GALNT13: variants seen among roughly 807,000 people sequenced by gnomAD.
GALNT13 encodes UDP-GalNAc:polypeptide N-acetylgalactosaminyltransferase 13.
A neutral mutation model predicts 64.2 loss-of-function variants in GALNT13; 28 were observed. The ratio of observed to expected loss-of-function variants is 0.44; its 90% CI spans 0.32 to 0.60. The LOEUF (loss-of-function observed/expected upper bound fraction) is 0.60, where lower values mean the gene tolerates loss of function less well. Among genes scored for constraint, GALNT13 ranks in the 20% least tolerant of loss-of-function variants. The pLI is 0.05. For synonymous variants in GALNT13, 214 were observed against 224.6 expected, an observed-to-expected ratio of 0.95 and a Z score of 0.42; for missense variants, 577 against 669.8, an observed-to-expected ratio of 0.86 and a Z score of 1.53.
chr2:153,436,641 G>A, the GALNT13 span, among the ~76,000 whole-genome samples: 3 of 152,090 alleles, frequency 2.0e-5, no homozygotes, highest in Non-Finnish European at 4.4e-5. Flanking sequence ...ATTCTCTGAT[G>A]GTAGTTTGTA....
At chr2:153,244,966 G>C in the GALNT13 span, among the ~76,000 whole-genome samples, 1 of 152,212 alleles carries the variant, frequency 6.6e-6, no homozygotes, top group African/African-American at 2.4e-5. Flanking sequence ...CATTACTGAG[G>C]CTTTAGTAGG....
chr2:153,532,604 G>T, the GALNT13 span, among the ~76,000 whole-genome samples: 1,543 of 152,156 alleles, frequency 0.01, 34 homozygotes, highest in African/African-American at 0.035. Context: ...CTACCACATG[G>T]ACAGGAGAAA....
chr2:153,728,323 G>C, the GALNT13 span, among the ~76,000 whole-genome samples: 3 of 152,160 alleles, frequency 2.0e-5, no homozygotes, highest in South Asian at 6.2e-4. Flanking sequence ...TCACCACACT[G>C]TCTTCCACAA....
At chr2:154,279,542 TTGAA>T (rs889037440) in intron 8 of GALNT13, among the ~76,000 whole-genome samples, 1 of 152,170 alleles carries the variant, frequency 6.6e-6, no homozygotes, top group African/African-American at 2.4e-5. Context: ...CAACAAGCAT[TTGAA>T]TGAGCATTTG....
At chr2:153,590,941 C>T in the GALNT13 span, among the ~76,000 whole-genome samples, 1 of 151,466 alleles carries the variant, frequency 6.6e-6, no homozygotes, top group Non-Finnish European at 1.5e-5. Flanking sequence ...CACTCCTATT[C>T]AACATTGTAC....
chr2:153,196,658 G>A, the GALNT13 span, among the ~76,000 whole-genome samples: 2 of 152,012 alleles, frequency 1.3e-5, no homozygotes, highest in South Asian at 4.2e-4. Context: ...GCATGGGGCA[G>A]GGGCTCCAGG....
downstream of GALNT13, among the ~76,000 whole-genome samples, chr2:154,456,156 T>G (rs1371240637): frequency 1.3e-5 from 2 of 148,978 alleles, no homozygotes; most frequent in Middle Eastern, 3.4e-3. Context: ...TTGTTTTTTT[T>G]TTTTTGTATT....
intron 2 of GALNT13, among the ~76,000 whole-genome samples, chr2:153,929,015 A>G (rs1690332637): frequency 6.6e-6 from 1 of 152,094 alleles, no homozygotes; most frequent in African/African-American, 2.4e-5. Context: ...ATGTATAAAA[A>G]CTATCTGTTA....
At chr2:153,073,333 T>A in the GALNT13 span, among the ~76,000 whole-genome samples, 30,161 of 151,774 alleles carry the variant, frequency 0.2, 3,361 homozygotes, top group Non-Finnish European at 0.26. Context: ...GTACTATAAA[T>A]TAATAATAAA....
At chr2:153,972,837 C>T (rs1467042719) in intron 3 of GALNT13, among the ~76,000 whole-genome samples, 2 of 151,872 alleles carry the variant, frequency 1.3e-5, no homozygotes, top group Non-Finnish European at 2.9e-5. Context: ...TTCAGGATAA[C>T]CTATGAAGTG....
chr2:154,158,521 T>C (rs1342561974), intron 4 of GALNT13, among the ~76,000 whole-genome samples: 1 of 152,186 alleles, frequency 6.6e-6, no homozygotes, highest in Non-Finnish European at 1.5e-5. Context: ...TTAATTTTCT[T>C]TAGCACCCTT....
At chr2:153,205,052 GT>G in the GALNT13 span, among the ~76,000 whole-genome samples, 1 of 152,052 alleles carries the variant, frequency 6.6e-6, no homozygotes, top group Non-Finnish European at 1.5e-5. Context: ...GATGGTAAAC[GT>G]TATTTTGAAG....
intron 9 of GALNT13, among the ~76,000 whole-genome samples, chr2:154,352,359 G>A (rs542344442): frequency 1.3e-5 from 2 of 152,288 alleles, no homozygotes; most frequent in East Asian, 3.9e-4. Flanking sequence ...CCCCAAACTT[G>A]TCTTTGAGTC....
the GALNT13 span, among the ~76,000 whole-genome samples, chr2:153,805,336 G>A: frequency 1.3e-5 from 2 of 151,848 alleles, no homozygotes; most frequent in African/African-American, 2.4e-5. Flanking sequence ...ATTCCAAAAC[G>A]AAATTGAGTA....
At chr2:153,863,087 T>C in the GALNT13 span, among the ~76,000 whole-genome samples, 1 of 152,142 alleles carries the variant, frequency 6.6e-6, no homozygotes, top group South Asian at 2.1e-4. Flanking sequence ...TTTGTGACAC[T>C]CCACTTAATA....
chr2:153,497,200 A>T, the GALNT13 span, among the ~76,000 whole-genome samples: 149 of 152,222 alleles, frequency 9.8e-4, no homozygotes, highest in African/African-American at 3.1e-3. Flanking sequence ...TTTCTGCTAA[A>T]CACCTATTTA....
chr2:153,571,301 G>C, the GALNT13 span, among the ~76,000 whole-genome samples: 1 of 151,712 alleles, frequency 6.6e-6, no homozygotes, highest in Non-Finnish European at 1.5e-5. Flanking sequence ...TTTGTATTTG[G>C]TACAGTATCC....
chr2:153,743,586 A>T, the GALNT13 span, among the ~76,000 whole-genome samples: 5 of 152,092 alleles, frequency 3.3e-5, no homozygotes, highest in Non-Finnish European at 7.4e-5. Context: ...GGCACATAAG[A>T]TGTTTTGATA....
rs530261273 is a variant in GALNT13, at chr2:154,065,079, C to G, written c.143-75258C>G. 1.6e-3 allele frequency among the ~76,000 whole-genome samples: 238 copies of G among 152,186 alleles called. 1 individual carries two copies. The highest frequency in any genetic ancestry group is 2.9e-3 in the Non-Finnish European group (195 of 68,018). On this transcript the variant is annotated intron_variant, in intron 3 of 12. Coordinates refer to ENST00000392825, the MANE Select transcript of GALNT13 (RefSeq NM_052917.4). ...TCCCTTGGGCTTTCAGTGAACATTGCTGGTAGCCTGGCACAACTCTTTGTG... is the reference window on the plus strand; with the variant it reads ...TCCCTTGGGCTTTCAGTGAACATTGGTGGTAGCCTGGCACAACTCTTTGTG...
Sources: gnomAD v4.1 joint callset for allele counts (sites outside exome capture counted in the v4.1 genomes callset) on GRCh38, gnomAD v4.1.1 for gene constraint, MANE v1.5 for transcripts, NCBI Gene and HGNC (gene_info 2026-07-23, HGNC 2026-07-21) for gene names.